Variants in ESRRG observed in about 807,000 individuals in gnomAD.
ESRRG encodes the protein estrogen related receptor gamma, also known as estrogen-related receptor gamma.
ESRRG carries 13 observed loss-of-function variants against 44.0 expected under a neutral mutation model. The observed-to-expected ratio is 0.30, with a 90% CI of 0.19 to 0.47. ESRRG has a LOEUF of 0.47. Among genes scored for constraint, ESRRG ranks in the 20% least tolerant of loss-of-function variants. ESRRG has a pLI of 1.00. For synonymous variants in ESRRG, 215 were observed against 214.6 expected, an observed-to-expected ratio of 1.00 and a Z score of -0.02; for missense variants, 395 against 580.6, an observed-to-expected ratio of 0.68 and a Z score of 3.29.
intron 1 of ESRRG, among the ~76,000 whole-genome samples, chr1:216,956,426 A>T (rs1017216050): frequency 6.6e-6 from 1 of 152,022 alleles, no homozygotes; most frequent in African/African-American, 2.4e-5. Flanking sequence ...AAATATGTGG[A>T]TTTATTTCTG....
intron 1 of ESRRG, among the ~76,000 whole-genome samples, chr1:216,695,772 G>A (rs2080026911): frequency 6.6e-6 from 1 of 152,108 alleles, no homozygotes; most frequent in Non-Finnish European, 1.5e-5. Context: ...ATAGAATCAT[G>A]AGTATCTGAT....
chr1:216,594,568 A>C lies in ESRRG; in HGVS notation c.590-26470T>G, dbSNP rs1026366248. On this transcript the variant is annotated intron_variant, in intron 3 of 6. Coordinates refer to ENST00000408911, the MANE Select transcript of ESRRG (RefSeq NM_001438.4). Reference sequence around the variant, plus strand: ...TCATCAGCTCACTGGAGCACTCAGCATCTAGAACCAGCTAGTGAAATCTGA... The same window carrying C: ...TCATCAGCTCACTGGAGCACTCAGCCTCTAGAACCAGCTAGTGAAATCTGA... 5.9e-5 allele frequency among the ~76,000 whole-genome samples: 9 copies of C among 152,304 alleles called. No individual in the cohort carries two copies. In the East Asian group the frequency reaches 1.5e-3, roughly 26 times the overall value.
intron 1 of ESRRG, among the ~76,000 whole-genome samples, chr1:216,698,438 G>A (rs942641885): frequency 6.8e-6 from 1 of 146,020 alleles, no homozygotes; most frequent in South Asian, 2.2e-4. Flanking sequence ...AGAACGGCGT[G>A]AACCCGGGAG....
chr1:216,933,764 G>C (rs1486660609), intron 2 of ESRRG, among the ~76,000 whole-genome samples: 1 of 152,124 alleles, frequency 6.6e-6, no homozygotes, highest in East Asian at 1.9e-4. Context: ...AATTTAACAA[G>C]TGATTCTCTT....
chr1:217,028,862 T>C (rs923748044), intron 1 of ESRRG, among the ~76,000 whole-genome samples: 3 of 152,222 alleles, frequency 2.0e-5, no homozygotes, highest in Non-Finnish European at 4.4e-5. Context: ...AATTGTTTTC[T>C]AGGCCCTACC....
At chr1:216,742,563 G>A (rs930061910) in intron 2 of ESRRG, among the ~76,000 whole-genome samples, 2 of 151,684 alleles carry the variant, frequency 1.3e-5, no homozygotes, top group African/African-American at 4.8e-5. Context: ...ATCCATTTCT[G>A]TCCTAACTCC....
chr1:216,616,823 T>C (rs1404230791), intron 3 of ESRRG, among the ~76,000 whole-genome samples: 1 of 152,006 alleles, frequency 6.6e-6, no homozygotes, highest in African/African-American at 2.4e-5. Flanking sequence ...GAGGAAAGAG[T>C]AGGGTGGCAG....
At chr1:217,056,441 A>T (rs1038075153) in intron 1 of ESRRG, among the ~76,000 whole-genome samples, 2 of 152,100 alleles carry the variant, frequency 1.3e-5, no homozygotes, top group African/African-American at 2.4e-5. Context: ...ATACTAAAAC[A>T]AATGCAAAAG....
At chr1:216,714,994 C>T (rs759326837) in intron 1 of ESRRG, 13 of 715,976 alleles carry the variant, frequency 1.8e-5, no homozygotes, top group Non-Finnish European at 2.1e-5. Context: ...AGCTTCTGTG[C>T]ATAAATTGTC....
chr1:216,573,196 T>C (rs554629228), intron 3 of ESRRG, among the ~76,000 whole-genome samples: 6 of 152,096 alleles, frequency 3.9e-5, no homozygotes, highest in African/African-American at 1.4e-4. Context: ...GTTTCCCTTA[T>C]TAAGGTTTTC....
chr1:216,566,973 C>G (rs566578332), intron 4 of ESRRG, among the ~76,000 whole-genome samples: 1 of 152,240 alleles, frequency 6.6e-6, no homozygotes, highest in Non-Finnish European at 1.5e-5. Flanking sequence ...TCCATATGCT[C>G]ACATATGTAT....
At chr1:217,132,354 G>A (rs2102540377) in intron 1 of ESRRG, among the ~76,000 whole-genome samples, 1 of 152,252 alleles carries the variant, frequency 6.6e-6, no homozygotes, top group South Asian at 2.1e-4. Context: ...GAACAACTGG[G>A]ATTGGTTCTC....
intron 5 of ESRRG, among the ~76,000 whole-genome samples, chr1:216,521,825 A>G (rs1012816554): frequency 1.3e-5 from 2 of 152,118 alleles, no homozygotes; most frequent in Non-Finnish European, 2.9e-5. Context: ...CTGCCTGATT[A>G]ATACAAACGC....
At chr1:216,575,536 A>C (rs138220167) in intron 3 of ESRRG, among the ~76,000 whole-genome samples, 1 of 152,270 alleles carries the variant, frequency 6.6e-6, no homozygotes, top group African/African-American at 2.4e-5. Context: ...TGTGCTAGGC[A>C]ACGGCTTAAT....
intron 2 of ESRRG, among the ~76,000 whole-genome samples, chr1:216,784,403 G>A (rs1022044875): frequency 6.6e-6 from 1 of 151,978 alleles, no homozygotes; most frequent in Non-Finnish European, 1.5e-5. Context: ...TACTTCTCAT[G>A]AGTCATAGTA....
Position 216,564,290 on chromosome 1 carries a change from G to A in ESRRG, c.791C>T (p.Ala264Val). Residue 264 changes from alanine (A) to valine (V), a missense_variant, in exon 5 of 7, where the codon GCC (alanine) becomes GTC (valine). Ala to Val is a moderately conservative substitution (Grantham distance 64). Transcript: ENST00000408911. Reference sequence around the variant, plus strand: ...GGCCAAGTCACACAGTGTAGTGAGGGCTTTGATGTCACTGTCGGGGACAGT... The same window carrying A: ...GGCCAAGTCACACAGTGTAGTGAGGACTTTGATGTCACTGTCGGGGACAGT... ...DPTVPDSDIK[A>V]LTTLCDLADR... 1.9e-6 allele frequency: 3 copies of A among 1,611,824 alleles called. No homozygotes were observed. Among genetic ancestry groups the A allele is most frequent in the Non-Finnish European group, 2.5e-6 (3 of 1,178,620 alleles).
intron 1 of ESRRG, among the ~76,000 whole-genome samples, chr1:217,047,128 G>C (rs1415089339): frequency 6.6e-6 from 1 of 151,934 alleles, no homozygotes; most frequent in Non-Finnish European, 1.5e-5. Flanking sequence ...CCATGAAGTG[G>C]TTGTATCAAA....
At chr1:216,963,396 AC>A (rs2069542879) in intron 1 of ESRRG, among the ~76,000 whole-genome samples, 1 of 151,990 alleles carries the variant, frequency 6.6e-6, no homozygotes, top group Non-Finnish European at 1.5e-5. Flanking sequence ...TTTTGGTGCC[AC>A]CCGGGATAAA....
At chr1:216,695,603 A>G (rs1320284550) in intron 1 of ESRRG, among the ~76,000 whole-genome samples, 1 of 152,210 alleles carries the variant, frequency 6.6e-6, no homozygotes, top group Non-Finnish European at 1.5e-5. Context: ...TCAGCTACTT[A>G]ATAAATGTGT....
Sources: allele counts gnomAD v4.1 joint callset (sites outside exome capture counted in the v4.1 genomes callset), GRCh38; gene constraint gnomAD v4.1.1; transcripts MANE v1.5; gene names NCBI Gene and HGNC (gene_info 2026-07-23, HGNC 2026-07-21).